The following DIAPH2 variants were observed in gnomAD, a reference collection of about 807,000 sequenced individuals.
DIAPH2 encodes protein diaphanous homolog 2.
DIAPH2 carries 35 observed loss-of-function variants against 92.7 expected under a neutral mutation model. The ratio of observed to expected loss-of-function variants is 0.38; its 90% CI spans 0.29 to 0.50. The LOEUF (loss-of-function observed/expected upper bound fraction) is 0.50, where lower values mean the gene tolerates loss of function less well. Among genes scored for constraint, DIAPH2 ranks in the 20% least tolerant of loss-of-function variants. The pLI, the probability that DIAPH2 is intolerant of heterozygous loss-of-function variation, is 0.94. For missense variants in DIAPH2, 701 were observed against 819.5 expected, an observed-to-expected ratio of 0.86 and a Z score of 1.77; for synonymous variants, 301 against 280.4, an observed-to-expected ratio of 1.07 and a Z score of -0.73.
At chrX:96,929,858 A>C (rs2065608405) in intron 9 of DIAPH2, among the ~76,000 whole-genome samples, 1 of 110,701 alleles carries the variant, frequency 9.0e-6, no homozygotes, top group Non-Finnish European at 1.9e-5. Context: ...TCAGTTAAAC[A>C]ATTAGCCAGT....
chrX:97,359,438 C>CTA (rs2069300743), intron 24 of DIAPH2, among the ~76,000 whole-genome samples: 1 of 109,371 alleles, frequency 9.1e-6, no homozygotes, highest in South Asian at 4.0e-4. Context: ...TATATATGTC[C>CTA]TATATATGTG....
intron 22 of DIAPH2, among the ~76,000 whole-genome samples, chrX:97,149,923 C>CA (rs1000658692): frequency 6.4e-5 from 7 of 109,997 alleles, no homozygotes; most frequent in African/African-American, 2.3e-4. Flanking sequence ...TCACTCTCAC[C>CA]AAGTCAGTCC....
intron 17 of DIAPH2, among the ~76,000 whole-genome samples, chrX:97,035,026 T>C (rs1043389759): frequency 8.9e-6 from 1 of 112,053 alleles, no homozygotes; most frequent in Non-Finnish European, 1.9e-5. Context: ...TCTACAACAC[T>C]ACCACAGCTT....
intron 26 of DIAPH2, among the ~76,000 whole-genome samples, chrX:97,465,788 A>G (rs2070507327): frequency 1.8e-5 from 2 of 111,797 alleles, no homozygotes; most frequent in Non-Finnish European, 3.8e-5. Flanking sequence ...TCCTGGGTTC[A>G]AACGATTTTC....
rs980289129 is a variant in DIAPH2, at chrX:96,812,979, G to A, written c.447+54721G>A. Among the ~76,000 whole-genome samples the A allele has an allele frequency of 8.1e-5, 9 of 111,781 alleles. 1 individual carries two copies. The East Asian group carries it at 1.4e-3, about 17-fold the overall frequency. ...TTTGGAATAAGTGTGATGTGGTGCT[G>A]AGAAGAATGTGTATTCTGTTGATTT... On this transcript the variant is annotated intron_variant, in intron 4 of 26. Coordinates refer to ENST00000324765, the MANE Select transcript of DIAPH2 (RefSeq NM_006729.5).
chrX:96,693,670 C>T (rs183100449), intron 1 of DIAPH2, among the ~76,000 whole-genome samples: 1 of 112,334 alleles, frequency 8.9e-6, no homozygotes, highest in East Asian at 2.8e-4. Flanking sequence ...TTCTGATTCA[C>T]ACAGAGGCAC....
At chrX:97,405,373 A>G in intron 25 of DIAPH2, among the ~76,000 whole-genome samples, 1 of 111,756 alleles carries the variant, frequency 8.9e-6, no homozygotes, top group Middle Eastern at 4.7e-3. Context: ...CCTAAGCTTT[A>G]GGGAAAGAAG....
At chrX:96,799,844 C>T (rs2064568991) in intron 4 of DIAPH2, among the ~76,000 whole-genome samples, 3 of 108,378 alleles carry the variant, frequency 2.8e-5, no homozygotes, top group Non-Finnish European at 5.7e-5. Context: ...TTTCTTAATT[C>T]TAGAAAATTT....
At chrX:97,101,913 G>A (rs1432058850) in intron 20 of DIAPH2, among the ~76,000 whole-genome samples, 1 of 112,187 alleles carries the variant, frequency 8.9e-6, no homozygotes, top group Non-Finnish European at 1.9e-5. Context: ...TATATCAACA[G>A]CCTAATGTGA....
intron 23 of DIAPH2, among the ~76,000 whole-genome samples, chrX:97,327,799 C>T (rs939642439): frequency 5.3e-5 from 6 of 112,161 alleles, no homozygotes; most frequent in African/African-American, 1.6e-4. Context: ...TGGTCTCAAA[C>T]TCCTGACCTC....
At chrX:97,391,588 C>A (rs778028690) in intron 25 of DIAPH2, among the ~76,000 whole-genome samples, 1 of 111,126 alleles carries the variant, frequency 9.0e-6, no homozygotes, top group African/African-American at 3.3e-5. Context: ...TTGGAAATTA[C>A]AAATAACTTT....
chrX:97,580,026 G>A (rs2147879040), intron 26 of DIAPH2, among the ~76,000 whole-genome samples: 1 of 111,830 alleles, frequency 8.9e-6, no homozygotes, highest in African/African-American at 3.3e-5. Flanking sequence ...TTTGTATCCT[G>A]AGACTTTGCT....
chrX:97,290,080 T>TAC (rs1236577346), intron 23 of DIAPH2, among the ~76,000 whole-genome samples: 71 of 104,909 alleles, frequency 6.8e-4, no homozygotes, highest in African/African-American at 2.4e-3. Flanking sequence ...TTTAAATATA[T>TAC]ATATATATAT....
chrX:96,899,279 T>A lies in DIAPH2; in HGVS notation c.588-13049T>A, dbSNP rs1486379673. Among the ~76,000 whole-genome samples, 4 of 109,602 alleles carry A rather than the reference T, an allele frequency of 3.6e-5. No individual in the cohort carries two copies. In the South Asian group the frequency reaches 1.6e-3, roughly 45 times the overall value. On this transcript the variant is annotated intron_variant, in intron 5 of 26. Coordinates refer to ENST00000324765, the MANE Select transcript of DIAPH2 (RefSeq NM_006729.5). ...TCCTGTGAAGAAAGTCATTGGTAGC[T>A]TGATGGGGATGGCATTGAATCTGTA...
rs919626961 is a variant in DIAPH2, at chrX:96,841,276, G to A, written c.448-40303G>A. Among the ~76,000 whole-genome samples, 7 of 112,054 alleles carry A rather than the reference G, an allele frequency of 6.2e-5. No homozygotes were observed. The East Asian group carries it at 1.4e-3, about 22-fold the overall frequency. ...CTCTTATTAAATAAAGTAATGCCAA[G>A]CCCATCATGTGAGTGTTTCTTGGGA... On this transcript the variant is annotated intron_variant, in intron 4 of 26. Coordinates refer to ENST00000324765, the MANE Select transcript of DIAPH2 (RefSeq NM_006729.5).
At position 97,599,300 on chromosome X, in the gene DIAPH2, G is replaced by GCTAT; in HGVS notation, c.3292_3295dup (p.Ser1099TyrfsTer4). 1.7e-6 allele frequency: 2 copies of GCTAT among 1,186,379 alleles called. No individual in the cohort carries two copies. Among genetic ancestry groups the GCTAT allele is most frequent in the African/African-American group, 1.7e-5 (1 of 57,254 alleles). ...AAGGTCACGCTCTCGCCACAATGGA[G>GCTAT]CTATCTCATCTAAGTGATTCCTGAT... On this transcript the variant is annotated frameshift_variant, in exon 27 of 27. Transcript: ENST00000324765. LOFTEE classifies it high-confidence loss of function.
At chrX:97,153,594 AAAAC>A (rs1003626797) in intron 22 of DIAPH2, among the ~76,000 whole-genome samples, 20 of 111,855 alleles carry the variant, frequency 1.8e-4, no homozygotes, top group African/African-American at 5.5e-4. Flanking sequence ...TCAAAAAAAC[AAAAC>A]AAACAAACAA....
At chrX:96,876,702 T>C (rs1236855925) in intron 4 of DIAPH2, among the ~76,000 whole-genome samples, 1 of 106,939 alleles carries the variant, frequency 9.4e-6, no homozygotes, top group Non-Finnish European at 1.9e-5. Context: ...TAGGTGGGAA[T>C]TGAACAATGA....
chrX:97,526,267 G>A (rs2071023451), intron 26 of DIAPH2, among the ~76,000 whole-genome samples: 1 of 111,271 alleles, frequency 9.0e-6, no homozygotes, highest in Admixed American at 9.6e-5. Flanking sequence ...TTTGAAACAG[G>A]CATGCAAAGA....
Sources: allele counts gnomAD v4.1 joint callset (sites outside exome capture counted in the v4.1 genomes callset), GRCh38; gene constraint gnomAD v4.1.1; transcripts MANE v1.5; gene names NCBI Gene and HGNC (gene_info 2026-07-23, HGNC 2026-07-21).